Variants in TCP11 observed in about 807,000 individuals in gnomAD.
TCP11 encodes t-complex 11, also known as T-complex protein 11 homolog.
A neutral mutation model predicts 45.0 loss-of-function variants in TCP11; 34 were observed. The observed-to-expected ratio is 0.76, with a 90% CI of 0.57 to 1.01. TCP11 has a LOEUF of 1.01. TCP11 is among the 50% of genes least tolerant of loss of function. TCP11 has a pLI of 0.00. For missense variants in TCP11, 523 were observed against 598.1 expected, an observed-to-expected ratio of 0.87 and a Z score of 1.31; for synonymous variants, 227 against 227.0, an observed-to-expected ratio of 1.00 and a Z score of 0.00.
chr6:35,129,523 G>A (rs779876447), intron 3 of TCP11, among the ~76,000 whole-genome samples: 2 of 152,180 alleles, frequency 1.3e-5, no homozygotes, highest in South Asian at 4.1e-4. Flanking sequence ...TATACACATA[G>A]CATTGAGCTA....
intron 9 of TCP11, 139 bp downstream of exon 9, chr6:35,119,089 C>T: frequency 8.8e-7 from 1 of 1,135,664 alleles, no homozygotes; most frequent in Non-Finnish European, 1.3e-6. Context: ...GATATGATTT[C>T]AACCCAGCAT....
At position 35,122,144 on chromosome 6, in the gene TCP11, T is replaced by C. The variant is rs760486424; in HGVS notation, c.551A>G (p.Asn184Ser). The change falls in exon 5 of 10, where the codon AAC becomes AGC. Residue 184 changes from asparagine (N) to serine (S), a missense_variant. Coordinates refer to ENST00000311875, the MANE Select transcript of TCP11 (RefSeq NM_001370687.1). ...VRDEAVQKLE[N>S]ITDPVWLLRG... ...CAGTAGCCAAACAGGATCCGTAATG[T>C]TTTCTAGTTTCTGCACTGCTTCATC... 3.1e-6 allele frequency: 5 copies of C among 1,614,060 alleles called. No homozygotes were observed. Among genetic ancestry groups the C allele is most frequent in the Non-Finnish European group, 4.2e-6 (5 of 1,180,030 alleles).
Position 35,141,213 on chromosome 6 carries a change from C to CCT in TCP11, c.-24_-23insAG, listed in dbSNP as rs749429886. On this transcript the variant is annotated 5_prime_UTR_variant, in exon 1 of 10. Coordinates refer to ENST00000311875, the MANE Select transcript of TCP11 (RefSeq NM_001370687.1). The stretch of plus-strand genomic sequence containing the variant: ...GGCTCCCAGGCCGTCACCTCCTCCT[C>CCT]CCCCGCCGCGGGTCATCCACTGGCG... The CCT allele has an allele frequency of 6.6e-5, 77 of 1,162,630 alleles. No individual in the cohort carries two copies. The East Asian group carries it at 1.7e-3, about 26-fold the overall frequency. The allele number at this position is 1,162,630 out of a possible 1,614,324, so 72.0% of individuals were successfully genotyped here.
At chr6:35,121,976 C>G in intron 5 of TCP11, 141 bp downstream of exon 5, 1 of 799,528 alleles carries the variant, frequency 1.3e-6, no homozygotes. Flanking sequence ...AGTGAATTGA[C>G]CAGAGGGGAG....
chr6:35,122,712 G>A (rs1384870215), intron 4 of TCP11, among the ~76,000 whole-genome samples: 3 of 152,098 alleles, frequency 2.0e-5, no homozygotes, highest in Non-Finnish European at 2.9e-5. Context: ...AAAGGGCAAG[G>A]ATGAAATAGG....
At chr6:35,127,433 A>G (rs575448983) in intron 4 of TCP11, among the ~76,000 whole-genome samples, 1 of 152,352 alleles carries the variant, frequency 6.6e-6, no homozygotes, top group Non-Finnish European at 1.5e-5. Context: ...CACCAGATAA[A>G]GAACCCCAAC....
chr6:35,141,262 T>C lies in TCP11; in HGVS notation c.-72A>G. 2 of 188,054 alleles carry C rather than the reference T, an allele frequency of 1.1e-5. No homozygotes were observed. Among genetic ancestry groups the C allele is most frequent in the Admixed American group, 2.8e-4 (1 of 3,576 alleles). The allele number at this position is 188,054 out of a possible 1,614,324, so 11.6% of individuals were successfully genotyped here. A position where few individuals can be genotyped will look rare whatever the true frequency, so the allele number is the denominator to read the frequency against. The stretch of plus-strand genomic sequence containing the variant: ...CGTCCGCTCGGTGGGCCTCGCGGCC[T>C]GGCGGCCTGGAGCGTACCACCGCGG... On this transcript the variant is annotated 5_prime_UTR_variant, in exon 1 of 10. Transcript: ENST00000311875.
At chr6:35,140,594 G>A (rs1781622657) in intron 2 of TCP11, 153 bp downstream of exon 2, 1 of 691,846 alleles carries the variant, frequency 1.4e-6, no homozygotes, top group Non-Finnish European at 2.6e-6. Context: ...CTCTGCCCTC[G>A]GGCCTGTAAG....
At chr6:35,121,245 G>A (rs1779202004) in intron 5 of TCP11, among the ~76,000 whole-genome samples, 200 bp from the exon 6 acceptor site, 1 of 152,026 alleles carries the variant, frequency 6.6e-6, no homozygotes, top group Non-Finnish European at 1.5e-5. Context: ...CTAAGTCTCT[G>A]GACCTTGAAG....
Position 35,122,335 on chromosome 6 carries a change from GATCT to G in TCP11, c.358-2_359del. The G allele has an allele frequency of 1.9e-6, 3 of 1,613,984 alleles. No individual in the cohort carries two copies. The highest frequency in any genetic ancestry group is 2.5e-6 in the Non-Finnish European group (3 of 1,179,934). ...GGCGTGGTAATAGCAGTGATAGCAAGATCTGCCCAGGAAAGAAAGTCAAAGGAGT... is the reference window on the plus strand; with the variant it reads ...GGCGTGGTAATAGCAGTGATAGCAAGGCCCAGGAAAGAAAGTCAAAGGAGT... On this transcript the variant is annotated splice_acceptor_variant and coding_sequence_variant, in exon 5 of 10. Coordinates refer to ENST00000311875, the MANE Select transcript of TCP11 (RefSeq NM_001370687.1). LOFTEE classifies it high-confidence loss of function.
At chr6:35,140,237 G>A in intron 2 of TCP11, 1 of 1,504,428 alleles carries the variant, frequency 6.6e-7, no homozygotes, top group East Asian at 2.6e-5. Flanking sequence ...TGGAGATTAA[G>A]AGAAATACAG....
intron 5 of TCP11, 55 bp from the exon 6 acceptor site, chr6:35,121,100 G>T: frequency 4.6e-6 from 7 of 1,519,272 alleles, no homozygotes; most frequent in Non-Finnish European, 6.2e-6. Context: ...CCCACCCAAG[G>T]AGTCATTAAA....
At chr6:35,124,802 T>C (rs184115995) in intron 4 of TCP11, among the ~76,000 whole-genome samples, 45 of 152,164 alleles carry the variant, frequency 3.0e-4, no homozygotes, top group Non-Finnish European at 1.5e-4. Flanking sequence ...AAGAACAAAG[T>C]TGGACCTTTA....
chr6:35,123,257 G>A (rs1176220403), intron 4 of TCP11, among the ~76,000 whole-genome samples: 2 of 152,110 alleles, frequency 1.3e-5, no homozygotes, highest in African/African-American at 4.8e-5. Flanking sequence ...AGTTGAGTGA[G>A]GTTTGATGAC....
intron 5 of TCP11, among the ~76,000 whole-genome samples, chr6:35,121,402 CT>C (rs34381181): frequency 0.017 from 2,320 of 136,346 alleles, 14 homozygotes; most frequent in Admixed American, 0.031. Flanking sequence ...GGACCAACTG[CT>C]TTTTTTTTTT....
In TCP11 at chr6:35,141,248, T is replaced by A; in HGVS notation, c.-58A>T. ...GGGTCATCCACTGGCGTCCGCTCGG[T>A]GGGCCTCGCGGCCTGGCGGCCTGGA... On this transcript the variant is annotated 5_prime_UTR_variant, in exon 1 of 10. Transcript: ENST00000311875. The A allele has an allele frequency of 7.5e-7, 1 of 1,327,150 alleles. No homozygotes were observed. Among genetic ancestry groups the A allele is most frequent in the Non-Finnish European group, 9.6e-7 (1 of 1,036,860 alleles). 82.2% of individuals were successfully genotyped at this position (1,327,150 alleles called of 1,614,324 possible).
At chr6:35,131,465 G>A (rs1019983776) in intron 3 of TCP11, among the ~76,000 whole-genome samples, 1 of 151,930 alleles carries the variant, frequency 6.6e-6, no homozygotes, top group Non-Finnish European at 1.5e-5. Context: ...CTACTTGGGA[G>A]GCTGAGGCAG....
rs1781742896 is a variant in TCP11 at position 35,141,213 on chromosome 6, C to G, written c.-23G>C. 3 of 1,162,526 alleles carry G rather than the reference C, an allele frequency of 2.6e-6. No homozygotes were observed. The highest frequency in any genetic ancestry group is 3.3e-6 in the Non-Finnish European group (3 of 899,992). The allele number at this position is 1,162,526 out of a possible 1,614,324, so 72.0% of individuals were successfully genotyped here. ...GGCTCCCAGGCCGTCACCTCCTCCT[C>G]CCCCGCCGCGGGTCATCCACTGGCG... On this transcript the variant is annotated 5_prime_UTR_variant, in exon 1 of 10. Coordinates refer to ENST00000311875, the MANE Select transcript of TCP11 (RefSeq NM_001370687.1).
chr6:35,123,135 C>A (rs890770411), intron 4 of TCP11, among the ~76,000 whole-genome samples: 5 of 152,082 alleles, frequency 3.3e-5, no homozygotes, highest in African/African-American at 9.7e-5. Flanking sequence ...GAGAAAAGGG[C>A]CTTCCTTCTT....
Sources: gnomAD v4.1 joint callset for allele counts (sites outside exome capture counted in the v4.1 genomes callset) on GRCh38, gnomAD v4.1.1 for gene constraint, MANE v1.5 for transcripts, NCBI Gene and HGNC (gene_info 2026-07-23, HGNC 2026-07-21) for gene names.